UBE2D3: variants seen among roughly 807,000 people sequenced by gnomAD.
UBE2D3 encodes ubiquitin conjugating enzyme E2 D3.
UBE2D3 carries 2 observed loss-of-function variants against 22.8 expected under a neutral mutation model. The observed-to-expected ratio is 0.09, with a 90% CI of 0.04 to 0.28. The LOEUF is 0.28. UBE2D3 is among the 10% of genes least tolerant of loss of function. UBE2D3 has a pLI of 1.00. For synonymous variants in UBE2D3, 56 were observed against 60.4 expected, an observed-to-expected ratio of 0.93 and a Z score of 0.34; for missense variants, 27 against 182.5, an observed-to-expected ratio of 0.15 and a Z score of 4.91.
At chr4:102,867,690 T>C (rs1733210261) in intron 1 of UBE2D3, among the ~76,000 whole-genome samples, 2 of 152,122 alleles carry the variant, frequency 1.3e-5, no homozygotes, top group Admixed American at 6.5e-5. Flanking sequence ...ACCCAGCTAC[T>C]TGGAAGGCTG....
intron 1 of UBE2D3, among the ~76,000 whole-genome samples, chr4:102,843,031 A>G (rs558089791): frequency 6.6e-6 from 1 of 152,174 alleles, no homozygotes; most frequent in South Asian, 2.1e-4. Context: ...AATCGCTTGA[A>G]CCTGGGAGGC....
intron 1 of UBE2D3, among the ~76,000 whole-genome samples, chr4:102,860,493 C>T (rs1732842202): frequency 6.6e-6 from 1 of 151,620 alleles, no homozygotes; most frequent in Admixed American, 6.6e-5. Context: ...TCACTTCCTC[C>T]AGTCTTTACT....
At chr4:102,868,175 C>T (rs1296716775) in intron 1 of UBE2D3, among the ~76,000 whole-genome samples, 2 of 147,004 alleles carry the variant, frequency 1.4e-5, no homozygotes, top group African/African-American at 5.0e-5. Flanking sequence ...CTGGTTCAAG[C>T]GATTCTCCTG....
chr4:102,828,482 G>T (rs1578275173), upstream of UBE2D3, among the ~76,000 whole-genome samples: 2 of 152,178 alleles, frequency 1.3e-5, no homozygotes. Flanking sequence ...GCAATACTGA[G>T]AACAGCAGGG....
chr4:102,813,998 G>A (rs1181356528), intron 2 of UBE2D3, among the ~76,000 whole-genome samples: 1 of 152,152 alleles, frequency 6.6e-6, no homozygotes, highest in East Asian at 1.9e-4. Context: ...GGTTGCCAGA[G>A]ATCCCAAGAT....
intron 2 of UBE2D3, among the ~76,000 whole-genome samples, chr4:102,813,988 G>C (rs147001061): frequency 1.3e-5 from 2 of 152,114 alleles, no homozygotes; most frequent in Non-Finnish European, 1.5e-5. Flanking sequence ...CTACTTACAA[G>C]GTTGCCAGAG....
Position 102,849,843 on chromosome 4 carries a change from G to A in UBE2D3, c.-129+18872C>T, listed in dbSNP as rs939992641. Among the ~76,000 whole-genome samples the A allele has an allele frequency of 2.0e-5, 3 of 152,262 alleles. No individual in the cohort carries two copies. The Middle Eastern group carries it at 0.01, about 518-fold the overall frequency. ...CTGTTGTGGAGCAGTGACAGGGGAC[G>A]GGGGACAGGGATTGGGTAAAGTTTC... On this transcript the variant is annotated intron_variant, in intron 1 of 7. Coordinates refer to the UBE2D3 transcript ENST00000338145.
chr4:102,823,804 T>A (rs1730009368), intron 2 of UBE2D3, among the ~76,000 whole-genome samples: 1 of 152,222 alleles, frequency 6.6e-6, no homozygotes, highest in African/African-American at 2.4e-5. Context: ...AAGTATAAAT[T>A]CAAAAGCTCG....
At position 102,825,685 on chromosome 4, in the gene UBE2D3, A is replaced by C. The variant is rs954857305; in HGVS notation, c.24+800T>G. The C allele has an allele frequency of 9.7e-6, 8 of 821,844 alleles. No individual in the cohort carries two copies. In the African/African-American group the frequency reaches 1.2e-4, roughly 13 times the overall value. The allele number at this position is 821,844 out of a possible 1,614,324, so 50.9% of individuals were successfully genotyped here. On this transcript the variant is annotated intron_variant, in intron 2 of 7. Transcript: ENST00000453744. Reference sequence around the variant, plus strand: ...AAACCACATTTCAAGTAACGAAACAAGGGTGTTATTAAATAGAATGAGGCA... The same window carrying C: ...AAACCACATTTCAAGTAACGAAACACGGGTGTTATTAAATAGAATGAGGCA...
At chr4:102,806,047 T>C (rs1726982859) in intron 4 of UBE2D3, among the ~76,000 whole-genome samples, 1 of 152,206 alleles carries the variant, frequency 6.6e-6, no homozygotes, top group African/African-American at 2.4e-5. Context: ...ATTATGGCAA[T>C]AGCTTACTAA....
At chr4:102,823,597 T>C (rs2110326788) in intron 2 of UBE2D3, among the ~76,000 whole-genome samples, 1 of 152,348 alleles carries the variant, frequency 6.6e-6, no homozygotes, top group Admixed American at 6.5e-5. Flanking sequence ...AACACATATA[T>C]TGTAGTCCCT....
At chr4:102,812,090 A>G in intron 2 of UBE2D3, 1 of 177,768 alleles carries the variant, frequency 5.6e-6, no homozygotes, top group Non-Finnish European at 1.2e-5. Context: ...AACTTTCAGT[A>G]TAAGCTCTCT....
At chr4:102,797,539 T>TTA in intron 7 of UBE2D3, 79 bp from the exon 8 acceptor site, 1 of 1,222,874 alleles carries the variant, frequency 8.2e-7, no homozygotes, top group South Asian at 1.3e-5. Flanking sequence ...GATTTCCATT[T>TTA]TATCATCTCC....
At chr4:102,868,829 A>C (rs1578306911) in exon 1 of UBE2D3, 1 of 1,590,644 alleles carries the variant, frequency 6.3e-7, no homozygotes, top group South Asian at 1.1e-5. Flanking sequence ...GAGGAGGGCC[A>C]CCTTCACACG....
intron 1 of UBE2D3, chr4:102,836,909 A>G (rs1731439838): frequency 6.6e-6 from 1 of 152,176 alleles, no homozygotes; most frequent in South Asian, 2.1e-4. Context: ...GTGGCCTTAA[A>G]TGTTTTTTAA....
chr4:102,833,933 G>T (rs187912281), intron 1 of UBE2D3, among the ~76,000 whole-genome samples: 1 of 152,172 alleles, frequency 6.6e-6, no homozygotes, highest in African/African-American at 2.4e-5. Context: ...AATTCCCGTG[G>T]CTCAGGGCAA....
intron 5 of UBE2D3, 105 bp downstream of exon 5, chr4:102,802,456 A>C: frequency 3.4e-6 from 3 of 871,922 alleles, no homozygotes; most frequent in Non-Finnish European, 5.1e-6. Context: ...AGTGCAATTC[A>C]ACATATATAT....
At chr4:102,807,890 C>G (rs1727318520) in intron 4 of UBE2D3, among the ~76,000 whole-genome samples, 1 of 152,142 alleles carries the variant, frequency 6.6e-6, no homozygotes, top group South Asian at 2.1e-4. Context: ...TCTAAACTGT[C>G]AAGCAGAAAA....
chr4:102,835,885 G>C (rs1731367974), intron 1 of UBE2D3, among the ~76,000 whole-genome samples: 1 of 151,490 alleles, frequency 6.6e-6, no homozygotes. Flanking sequence ...CCACCCCTCT[G>C]TCTTCTTAAC....
Sources: gnomAD v4.1 joint callset for allele counts (sites outside exome capture counted in the v4.1 genomes callset) on GRCh38, gnomAD v4.1.1 for gene constraint, MANE v1.5 for transcripts, NCBI Gene and HGNC (gene_info 2026-07-23, HGNC 2026-07-21) for gene names.